Variants in RYR2 observed in about 807,000 individuals in gnomAD.
The protein encoded by RYR2 is cardiac muscle ryanodine receptor-calcium release channel.
A neutral mutation model predicts 601.1 loss-of-function variants in RYR2; 227 were observed. The observed-to-expected ratio is 0.38, with a 90% confidence interval of 0.34 to 0.42. The LOEUF (loss-of-function observed/expected upper bound fraction) is 0.42, where lower values mean the gene tolerates loss of function less well. Among genes scored for constraint, RYR2 ranks in the 10% least tolerant of loss-of-function variants. The probability of loss-of-function intolerance (pLI) is 1.00; values close to 1 mark genes in which losing one functional copy is unlikely to be tolerated. For synonymous variants in RYR2, 2,223 were observed against 2,175.1 expected (o/e 1.02, Z -0.61); for missense variants, 4,646 against 6,156.5 (o/e 0.75, Z 8.21).
At chr1:237,782,011 C>A (rs540067022) in intron 89 of RYR2, among the ~76,000 whole-genome samples, 1 of 152,196 alleles carries the variant, frequency 6.6e-6, no homozygotes, top group East Asian at 1.9e-4. Flanking sequence ...GTGTAAGCTG[C>A]TGCTTTGAAA....
intron 12 of RYR2, among the ~76,000 whole-genome samples, chr1:237,435,168 A>T (rs1022447756): frequency 5.9e-5 from 9 of 152,224 alleles, no homozygotes; most frequent in Non-Finnish European, 8.8e-5. Flanking sequence ...TAAAATGTAC[A>T]CTTTCACACA....
chr1:237,093,766 T>A (rs1445466139), intron 1 of RYR2, among the ~76,000 whole-genome samples: 1 of 152,182 alleles, frequency 6.6e-6, no homozygotes, highest in African/African-American at 2.4e-5. Flanking sequence ...TAATCGATTC[T>A]TTTGCTTAGT....
rs563867884 is a variant in RYR2, at chr1:237,642,134, A to G, written c.7221+1132A>G. ...TCTAAAGTGGGATGAGCATGAAGCC[A>G]GGGCTTTCTTACAAAGCACCTTTTT... On this transcript the variant is annotated intron_variant, in intron 47 of 104. Coordinates refer to ENST00000366574, the MANE Select transcript of RYR2 (RefSeq NM_001035.3). 9.2e-5 allele frequency among the ~76,000 whole-genome samples: 14 copies of G among 152,332 alleles called. No homozygotes were observed. The South Asian group carries it at 2.9e-3, about 32-fold the overall frequency.
intron 29 of RYR2, among the ~76,000 whole-genome samples, chr1:237,576,790 AG>A: frequency 6.6e-6 from 1 of 152,210 alleles, no homozygotes; most frequent in Non-Finnish European, 1.5e-5. Context: ...TCTGAAATCA[AG>A]CAAAATGATG....
At chr1:237,389,676 G>T (rs1000179856) in intron 10 of RYR2, among the ~76,000 whole-genome samples, 1 of 152,150 alleles carries the variant, frequency 6.6e-6, no homozygotes, top group East Asian at 1.9e-4. Flanking sequence ...CTTTTTTTCT[G>T]CCTCAGGGGA....
In RYR2 at chr1:237,639,098, GA is replaced by G; in HGVS notation, c.7014del (p.Gly2339ValfsTer51). On this transcript the variant is annotated frameshift_variant, in exon 46 of 105. Coordinates refer to ENST00000366574, the MANE Select transcript of RYR2 (RefSeq NM_001035.3). LOFTEE classifies it high-confidence loss of function. ...GTGTTTTGGTCCTGCTTTGAGAGGAGAAGGTGGGAATGGGCTTCTTGCAGCA... is the reference window on the plus strand; with the variant it reads ...GTGTTTTGGTCCTGCTTTGAGAGGAGAGGTGGGAATGGGCTTCTTGCAGCA... ...PECFGPALRGEGGNGLLAAME... is the reference protein window; with the variant it reads ...PECFGPALRGXGGNGLLAAME... The G allele has an allele frequency of 6.2e-7, 1 of 1,613,918 alleles. No individual in the cohort carries two copies. Among genetic ancestry groups the G allele is most frequent in the Non-Finnish European group, 8.5e-7 (1 of 1,179,870 alleles).
intron 14 of RYR2, among the ~76,000 whole-genome samples, chr1:237,446,480 C>G (rs1372221354): frequency 6.6e-6 from 1 of 151,998 alleles, no homozygotes; most frequent in Non-Finnish European, 1.5e-5. Context: ...AAGTTGCAAA[C>G]CTTTTTACCA....
chr1:237,728,832 A>G (rs767089863), intron 76 of RYR2, among the ~76,000 whole-genome samples: 35 of 152,160 alleles, frequency 2.3e-4, no homozygotes, highest in Non-Finnish European at 4.1e-4. Flanking sequence ...TACCTAATGC[A>G]TATGGGGCTT....
intron 1 of RYR2, among the ~76,000 whole-genome samples, chr1:237,199,083 T>G (rs1262127737): frequency 2.6e-5 from 4 of 152,062 alleles, no homozygotes. Context: ...TCCTGCAGAG[T>G]GTGTGAAACA....
At chr1:237,429,396 C>A (rs1347906348) in intron 12 of RYR2, among the ~76,000 whole-genome samples, 1 of 152,090 alleles carries the variant, frequency 6.6e-6, no homozygotes, top group Non-Finnish European at 1.5e-5. Flanking sequence ...TATAACTGGG[C>A]TGTAGCTTTC....
At chr1:237,121,283 GAAAC>G (rs1670749178) in intron 1 of RYR2, among the ~76,000 whole-genome samples, 1 of 152,164 alleles carries the variant, frequency 6.6e-6, no homozygotes, top group Non-Finnish European at 1.5e-5. Context: ...GGCTTCTGAT[GAAAC>G]GGGGAAAGGA....
In RYR2 at chr1:237,377,400, C is replaced by G. The variant is rs1398372635; in HGVS notation, c.541C>G (p.Leu181Val). The change falls in exon 8 of 105, where the codon CTC (leucine) becomes GTC (valine). Residue 181 changes from leucine to valine, a missense_variant. Leu to Val is a conservative substitution (Grantham distance 32). Transcript: ENST00000366574. Reference sequence around the variant, plus strand: ...AGAAAAAGTACGAGTTGGAGATGACCTCATCTTAGTTAGCGTGTCCTCTGA... The same window carrying G: ...AGAAAAAGTACGAGTTGGAGATGACGTCATCTTAGTTAGCGTGTCCTCTGA... ...EGEKVRVGDD[L>V]ILVSVSSERY... 1.2e-6 allele frequency: 2 copies of G among 1,613,654 alleles called. No individual in the cohort carries two copies. The highest frequency in any genetic ancestry group is 1.7e-6 in the Non-Finnish European group (2 of 1,179,682).
At chr1:237,287,260 C>T (rs1691669524) in intron 2 of RYR2, among the ~76,000 whole-genome samples, 2 of 152,100 alleles carry the variant, frequency 1.3e-5, no homozygotes, top group South Asian at 4.1e-4. Context: ...TTCATCTTAA[C>T]TTTGGATAAC....
intron 2 of RYR2, among the ~76,000 whole-genome samples, chr1:237,302,164 A>T (rs1468133440): frequency 1.3e-5 from 2 of 152,212 alleles, no homozygotes; most frequent in Non-Finnish European, 2.9e-5. Flanking sequence ...TTTTAAAAAT[A>T]CCAAGCCTCA....
Position 237,617,342 on chromosome 1 carries a change from C to A in RYR2, c.5772C>A (p.Ala1924=). Residue 1924 remains alanine, a synonymous_variant, in exon 38 of 105, where the codon GCC becomes GCA. Transcript: ENST00000366574. ...GCCAGGTCCGGCACCGGATAGAAGC[C>A]ATTGTAGCCTTTTCAGATGATTTTG... The part of the protein sequence containing the change: ...CDCQVRHRIE[A]IVAFSDDFVA... 6.2e-7 allele frequency: 1 copy of A among 1,613,898 alleles called. No individual in the cohort carries two copies. Among genetic ancestry groups the A allele is most frequent in the Non-Finnish European group, 8.5e-7 (1 of 1,179,838 alleles).
intron 1 of RYR2, among the ~76,000 whole-genome samples, chr1:237,187,505 A>G (rs907504313): frequency 1.5e-5 from 2 of 133,536 alleles, no homozygotes; most frequent in Non-Finnish European, 3.1e-5. Flanking sequence ...GTGCAGTGGC[A>G]TGGTCACAGC....
intron 84 of RYR2, among the ~76,000 whole-genome samples, chr1:237,770,253 G>T (rs537424639): frequency 1.3e-5 from 2 of 152,062 alleles, no homozygotes; most frequent in African/African-American, 4.8e-5. Flanking sequence ...TTTTTATTCA[G>T]TAGTCAACCT....
At chr1:237,513,454 A>G (rs1666113859) in intron 24 of RYR2, among the ~76,000 whole-genome samples, 1 of 152,216 alleles carries the variant, frequency 6.6e-6, no homozygotes, top group Non-Finnish European at 1.5e-5. Flanking sequence ...CCGGAACATA[A>G]AATTTAAACC....
chr1:237,345,186 T>C (rs1401073869), intron 3 of RYR2, among the ~76,000 whole-genome samples: 2 of 152,134 alleles, frequency 1.3e-5, no homozygotes, highest in Non-Finnish European at 2.9e-5. Flanking sequence ...GTGGGTCTTT[T>C]GCCTTCCCAT....
Sources: allele counts gnomAD v4.1 joint callset (sites outside exome capture counted in the v4.1 genomes callset), GRCh38; gene constraint gnomAD v4.1.1; transcripts MANE v1.5; gene names NCBI Gene and HGNC (gene_info 2026-07-23, HGNC 2026-07-21).